Variants in SORL1 observed in about 807,000 individuals in gnomAD.
SORL1 encodes sortilin related receptor 1, also known as sortilin-related receptor.
SORL1 carries 127 observed loss-of-function variants against 273.7 expected under a neutral mutation model. The ratio of observed to expected loss-of-function variants is 0.46; its 90% CI spans 0.40 to 0.54. The LOEUF (loss-of-function observed/expected upper bound fraction) is 0.54. Ranked by LOEUF, SORL1 falls within the 20% of genes least tolerant of loss-of-function variation. SORL1 has a pLI of 0.00. For missense variants in SORL1, 2,494 were observed against 2,846.1 expected, an observed-to-expected ratio of 0.88 and a Z score of 2.81; for synonymous variants, 1,031 against 1,067.4, an observed-to-expected ratio of 0.97 and a Z score of 0.66.
chr11:121,501,060 C>T (rs1861701352), intron 6 of SORL1, among the ~76,000 whole-genome samples: 1 of 152,066 alleles, frequency 6.6e-6, no homozygotes. Context: ...GGATAACTGA[C>T]CCAAACCAAA....
chr11:121,492,908 A>G (rs1038092993), intron 5 of SORL1, among the ~76,000 whole-genome samples: 7 of 151,614 alleles, frequency 4.6e-5, no homozygotes, highest in East Asian at 1.9e-4. Flanking sequence ...GGTTCAAGCA[A>G]TTCTCTGCCT....
rs759051105 is a variant in SORL1, at chr11:121,627,612, T to C, written c.6422T>C (p.Val2141Ala). 6.2e-7 allele frequency: 1 copy of C among 1,614,182 alleles called. No individual in the cohort carries two copies. Among genetic ancestry groups the C allele is most frequent in the East Asian group, 2.2e-5 (1 of 44,886 alleles). ...TCTACGGATGTTGCTGCTGTGGTGGTGCCCATCTTATTCCTGATACTGCTG... is the reference window on the plus strand; with the variant it reads ...TCTACGGATGTTGCTGCTGTGGTGGCGCCCATCTTATTCCTGATACTGCTG... Reference protein sequence around the residue: ...ARSTDVAAVVVPILFLILLSL... With the variant: ...ARSTDVAAVVAPILFLILLSL... The change falls in exon 47 of 48, where the codon GTG (valine) becomes GCG (alanine). Residue 2141 changes from valine (V) to alanine (A), a missense_variant. This residue lies in a region of SORL1 where 1,609 missense variants were observed against 1,816.4 expected (regional missense o/e 0.89). Transcript: ENST00000260197. This position sits in a 1 kb window ranked among gnomAD's most constrained non-coding sequence, Gnocchi z 4.9.
intron 8 of SORL1, among the ~76,000 whole-genome samples, chr11:121,515,090 C>T (rs75682326): frequency 0.027 from 4,096 of 152,300 alleles, 301 homozygotes; most frequent in East Asian, 0.19. Context: ...TGAGGGCATG[C>T]CCCTGTGCCC....
rs1430727731 is a variant in SORL1 at position 121,550,624 on chromosome 11, T to C, written c.2220T>C (p.Asp740=). 1 of 1,614,080 alleles carries C rather than the reference T, an allele frequency of 6.2e-7. No homozygotes were observed. Among genetic ancestry groups the C allele is most frequent in the South Asian group, 1.1e-5 (1 of 91,072 alleles). ...CTGGGGACACTTGTAGCGGAGGAGA[T>C]GTTGAAGCGCGACTGGAAGGAGAGC... ...KISGDTCSGG[D]VEARLEGELV... is the part of the protein sequence containing the mutation. The change falls in exon 16 of 48, where the codon GAT becomes GAC. Residue 740 remains aspartate (D), a synonymous_variant. Transcript: ENST00000260197. This position sits in a 1 kb window ranked among gnomAD's most constrained non-coding sequence, Gnocchi z 5.3.
intron 12 of SORL1, among the ~76,000 whole-genome samples, chr11:121,532,845 G>A (rs1862221544): frequency 1.3e-5 from 2 of 151,864 alleles, no homozygotes; most frequent in South Asian, 4.2e-4. Flanking sequence ...CACCACGTCC[G>A]GCTAATTTTT....
At position 121,452,809 on chromosome 11, in the gene SORL1, A is replaced by C; in HGVS notation, c.285+193A>C. On this transcript the variant is annotated intron_variant, in intron 1 of 47. Coordinates refer to ENST00000260197, the MANE Select transcript of SORL1 (RefSeq NM_003105.6). This position sits in a 1 kb window ranked among gnomAD's most constrained non-coding sequence, Gnocchi z 5.3. ...CATTGATCTTTCCTTCTTCCTGTCG[A>C]TTTAGTAAACGTATTCCAGGTAACT... 1 of 507,022 alleles carries C rather than the reference A, an allele frequency of 2.0e-6. No individual in the cohort carries two copies. Among genetic ancestry groups the C allele is most frequent in the Non-Finnish European group, 3.3e-6 (1 of 300,476 alleles). The allele number at this position is 507,022 out of a possible 1,614,324, so 31.4% of individuals were successfully genotyped here.
intron 1 of SORL1, among the ~76,000 whole-genome samples, chr11:121,462,731 T>G (rs888318428): frequency 3.9e-5 from 6 of 152,130 alleles, no homozygotes; most frequent in African/African-American, 1.4e-4. Context: ...ACTACAGGCA[T>G]GCGCCACCAG....
chr11:121,589,459 A>T, intron 29 of SORL1, 69 bp downstream of exon 29: 2 of 1,584,488 alleles, frequency 1.3e-6, no homozygotes, highest in Non-Finnish European at 1.7e-6. Flanking sequence ...AGTTACAGGG[A>T]CACTCACCGG....
intron 37 of SORL1, among the ~76,000 whole-genome samples, chr11:121,607,707 T>C (rs578181957): frequency 2.0e-5 from 3 of 152,218 alleles, no homozygotes; most frequent in African/African-American, 7.2e-5. Flanking sequence ...CAGAAAGAGA[T>C]AGATTTTGTG....
At chr11:121,534,931 C>T (rs906838441) in intron 12 of SORL1, among the ~76,000 whole-genome samples, 6 of 152,282 alleles carry the variant, frequency 3.9e-5, no homozygotes, top group African/African-American at 1.2e-4. Flanking sequence ...TATTCTGACT[C>T]CTTATGTTAG....
In SORL1 at chr11:121,471,249, C is replaced by T. The variant is rs139317267; in HGVS notation, c.402+1126C>T. On this transcript the variant is annotated intron_variant, in intron 2 of 47. Coordinates refer to ENST00000260197, the MANE Select transcript of SORL1 (RefSeq NM_003105.6). ...ACTGTCAGCTCCAGGCTCTGGTTGC[C>T]GTGCAGGATGCTGGGCCCAGTGTTG... Among the ~76,000 whole-genome samples, 560 of 152,298 alleles carry T rather than the reference C, an allele frequency of 3.7e-3. 1 individual carries two copies. The highest frequency in any genetic ancestry group is 0.012 in the African/African-American group (515 of 41,556).
intron 39 of SORL1, 174 bp from the exon 40 acceptor site, chr11:121,612,562 C>T: frequency 2.0e-6 from 1 of 507,260 alleles, no homozygotes; most frequent in Non-Finnish European, 3.6e-6. Flanking sequence ...TAAATATTAG[C>T]TAATGGTAGC....
In SORL1 at chr11:121,629,490, C is replaced by T. The variant is rs1359160540; in HGVS notation, c.6578-6C>T. 3 of 1,522,920 alleles carry T rather than the reference C, an allele frequency of 2.0e-6. No homozygotes were observed. Among genetic ancestry groups the T allele is most frequent in the Middle Eastern group, 1.7e-4 (1 of 5,878 alleles). 94.3% of individuals were successfully genotyped at this position (1,522,920 alleles called of 1,614,324 possible). On this transcript the variant is annotated splice_region_variant and splice_polypyrimidine_tract_variant and intron_variant, in intron 47 of 47. Coordinates refer to ENST00000260197, the MANE Select transcript of SORL1 (RefSeq NM_003105.6). Reference sequence around the variant, plus strand: ...ACTCACCAAGGCCTGACTGTTTTGTCTCTAGGGGAAGATGATGAAGATGCC... The same window carrying T: ...ACTCACCAAGGCCTGACTGTTTTGTTTCTAGGGGAAGATGATGAAGATGCC...
At chr11:121,546,165 C>A (rs1862423587) in intron 14 of SORL1, among the ~76,000 whole-genome samples, 1 of 151,986 alleles carries the variant, frequency 6.6e-6, no homozygotes, top group African/African-American at 2.4e-5. Context: ...AATTGGGATG[C>A]CTTGTTGGGT....
At chr11:121,481,263 C>T (rs553364384) in intron 3 of SORL1, among the ~76,000 whole-genome samples, 36 of 107,448 alleles carry the variant, frequency 3.4e-4, no homozygotes, top group African/African-American at 1.1e-3. Context: ...CCCAGCTCCT[C>T]CCCTAGTGCA....
At chr11:121,455,346 C>T (rs1379055798) in intron 1 of SORL1, among the ~76,000 whole-genome samples, 2 of 152,084 alleles carry the variant, frequency 1.3e-5, no homozygotes, top group African/African-American at 4.8e-5. Flanking sequence ...TGCCCTCTGA[C>T]CTTTGAGTGA....
Position 121,627,420 on chromosome 11 carries a change from G to C in SORL1, c.6365-135G>C. ...TCAGGCATCACGCACATGCAGAAAC[G>C]TCTCACACCAGACAGGCAGTTTGTG... On this transcript the variant is annotated intron_variant, in intron 46 of 47. Coordinates refer to ENST00000260197, the MANE Select transcript of SORL1 (RefSeq NM_003105.6). The surrounding 1 kb of genome is among the most constrained non-coding windows in gnomAD (Gnocchi z 4.9). The C allele has an allele frequency of 1.4e-6, 1 of 709,280 alleles. No individual in the cohort carries two copies. Among genetic ancestry groups the C allele is most frequent in the Admixed American group, 2.2e-5 (1 of 44,854 alleles). The allele number at this position is 709,280 out of a possible 1,614,324, so 43.9% of individuals were successfully genotyped here. A position where few individuals can be genotyped will look rare whatever the true frequency, so the allele number is the denominator to read the frequency against.
chr11:121,627,729 G>C lies in SORL1; in HGVS notation c.6539G>C (p.Arg2180Thr). 6.2e-7 allele frequency: 1 copy of C among 1,614,110 alleles called. No homozygotes were observed. The highest frequency in any genetic ancestry group is 8.5e-7 in the Non-Finnish European group (1 of 1,180,020). Residue 2180 changes from arginine to threonine, a missense_variant, in exon 47 of 48, where the codon AGG becomes ACG. Arg to Thr is a moderately conservative substitution (Grantham distance 71). Coordinates refer to ENST00000260197, the MANE Select transcript of SORL1 (RefSeq NM_003105.6). The surrounding 1 kb of genome is among the most constrained non-coding windows in gnomAD (Gnocchi z 4.9). ...TAFANSHYSS[R>T]LGSAIFSSGD... ...TTCGCCAACAGCCACTACAGCTCCAGGCTGGGGTCCGCAATCTTCTCCTCT... is the reference window on the plus strand; with the variant it reads ...TTCGCCAACAGCCACTACAGCTCCACGCTGGGGTCCGCAATCTTCTCCTCT...
intron 27 of SORL1, among the ~76,000 whole-genome samples, chr11:121,586,616 A>G (rs1262343171): frequency 1.5e-5 from 2 of 137,614 alleles, no homozygotes; most frequent in African/African-American, 5.5e-5. Flanking sequence ...CTATTAATTG[A>G]CCAGTTGTTT....
Sources: allele counts gnomAD v4.1 joint callset (sites outside exome capture counted in the v4.1 genomes callset), GRCh38; gene constraint gnomAD v4.1.1; regional missense constraint gnomAD v4.1.1; non-coding constraint Gnocchi (gnomAD v3.1); transcripts MANE v1.5; gene names NCBI Gene and HGNC (gene_info 2026-07-23, HGNC 2026-07-21).